Variants in KCNK13 observed in about 807,000 individuals in gnomAD.
The protein encoded by KCNK13 is potassium channel subfamily K member 13.
A neutral mutation model predicts 23.4 loss-of-function variants in KCNK13; 12 were observed. The ratio of observed to expected loss-of-function variants is 0.51; its 90% confidence interval spans 0.33 to 0.83. The LOEUF (loss-of-function observed/expected upper bound fraction) is 0.83. Among genes scored for constraint, KCNK13 ranks in the 40% least tolerant of loss-of-function variants. The pLI, the probability that KCNK13 is intolerant of heterozygous loss-of-function variation, is 0.02. For synonymous variants in KCNK13, 231 were observed against 229.5 expected (o/e 1.01, Z -0.06); for missense variants, 463 against 556.3 (o/e 0.83, Z 1.69).
intron 1 of KCNK13, among the ~76,000 whole-genome samples, chr14:90,066,591 T>C (rs1889012415): frequency 6.6e-6 from 1 of 152,164 alleles, no homozygotes; most frequent in African/African-American, 2.4e-5. Flanking sequence ...TCAAAAGTAT[T>C]TTCTCTTTGG....
At chr14:90,094,600 C>T (rs941674358) in intron 1 of KCNK13, among the ~76,000 whole-genome samples, 2 of 151,830 alleles carry the variant, frequency 1.3e-5, no homozygotes, top group African/African-American at 2.4e-5. Flanking sequence ...TTATTTGGCA[C>T]CTGGAGGATG....
intron 1 of KCNK13, among the ~76,000 whole-genome samples, chr14:90,066,140 T>A (rs957538699): frequency 1.6e-4 from 5 of 31,928 alleles, no homozygotes; most frequent in Admixed American, 1.2e-3. Context: ...ATTTTTGTAT[T>A]TTTTTTTTTT....
At chr14:90,103,656 G>A (rs967791156) in intron 1 of KCNK13, among the ~76,000 whole-genome samples, 4 of 152,046 alleles carry the variant, frequency 2.6e-5, no homozygotes, top group Admixed American at 6.6e-5. Flanking sequence ...TCCACCTCCC[G>A]AGTTCAAGCG....
intron 1 of KCNK13, among the ~76,000 whole-genome samples, chr14:90,075,771 A>G (rs1889127345): frequency 6.6e-6 from 1 of 152,018 alleles, no homozygotes; most frequent in Admixed American, 6.6e-5. Context: ...ATGAGCCACT[A>G]CAACAGGTCT....
chr14:90,076,976 C>T (rs1889143628), intron 1 of KCNK13, among the ~76,000 whole-genome samples: 2 of 152,120 alleles, frequency 1.3e-5, no homozygotes, highest in African/African-American at 4.8e-5. Context: ...TCCGCCACCA[C>T]ACCTGGCTAA....
At chr14:90,107,426 C>T (rs555688503) in intron 1 of KCNK13, among the ~76,000 whole-genome samples, 7 of 152,116 alleles carry the variant, frequency 4.6e-5, no homozygotes, top group South Asian at 2.1e-4. Flanking sequence ...TACGGTGAGC[C>T]GAGATGGCAC....
chr14:90,116,744 G>C (rs1321579317), intron 1 of KCNK13, among the ~76,000 whole-genome samples: 1 of 152,182 alleles, frequency 6.6e-6, no homozygotes, highest in African/African-American at 2.4e-5. Context: ...ACGGGTCTGT[G>C]TCACAACTGC....
intron 1 of KCNK13, among the ~76,000 whole-genome samples, chr14:90,150,906 G>C (rs1890127870): frequency 6.6e-6 from 1 of 152,112 alleles, no homozygotes; most frequent in Non-Finnish European, 1.5e-5. Flanking sequence ...TTGAGCCCAG[G>C]AGGCAGAGGT....
In KCNK13 at chr14:90,168,349, C is replaced by T. The variant is rs540517440; in HGVS notation, c.335-15762C>T. On this transcript the variant is annotated intron_variant, in intron 1 of 1. Coordinates refer to ENST00000282146, the MANE Select transcript of KCNK13 (RefSeq NM_022054.4). ...TCACACCACTGCACTTCAGCCTGGG[C>T]GACAGAGTAAGACCTGTCTCAAAAA... is the stretch of plus-strand genomic sequence containing the variant. Among the ~76,000 whole-genome samples the T allele has an allele frequency of 1.7e-4, 26 of 151,222 alleles. 1 individual carries two copies. Among genetic ancestry groups the T allele is most frequent in the Admixed American group, 1.4e-3 (22 of 15,186 alleles).
chr14:90,175,919 C>G (rs1361183819), intron 1 of KCNK13, among the ~76,000 whole-genome samples: 1 of 152,138 alleles, frequency 6.6e-6, no homozygotes. Flanking sequence ...ACCCTTCTTA[C>G]GTGGTGTCTA....
chr14:90,173,149 G>A (rs1404285875), intron 1 of KCNK13, among the ~76,000 whole-genome samples: 2 of 152,220 alleles, frequency 1.3e-5, no homozygotes, highest in Non-Finnish European at 1.5e-5. Context: ...AGATGCGAAT[G>A]AAAACCACTA....
chr14:90,165,954 G>A (rs1408050336), intron 1 of KCNK13, among the ~76,000 whole-genome samples: 8 of 152,136 alleles, frequency 5.3e-5, no homozygotes, highest in Admixed American at 3.3e-4. Flanking sequence ...CCATGCAGCC[G>A]ATTTTTGTTA....
chr14:90,126,023 T>TA (rs34865130), intron 1 of KCNK13, among the ~76,000 whole-genome samples: 34 of 145,446 alleles, frequency 2.3e-4, no homozygotes, highest in Admixed American at 3.4e-4. Context: ...AGACGCTATT[T>TA]AAAAAAAAAA....
chr14:90,089,939 A>T (rs2140400320), intron 1 of KCNK13, among the ~76,000 whole-genome samples: 1 of 152,290 alleles, frequency 6.6e-6, no homozygotes, highest in African/African-American at 2.4e-5. Context: ...ATTTCCGAGG[A>T]TGGTGGAAAT....
intron 1 of KCNK13, among the ~76,000 whole-genome samples, chr14:90,108,881 CTA>C (rs1168966378): frequency 6.6e-6 from 1 of 152,166 alleles, no homozygotes; most frequent in Non-Finnish European, 1.5e-5. Flanking sequence ...GCTTTGAAAA[CTA>C]AGAATCCCTT....
chr14:90,179,213 A>G (rs1038940962), intron 1 of KCNK13, among the ~76,000 whole-genome samples: 1 of 150,840 alleles, frequency 6.6e-6, no homozygotes, highest in African/African-American at 2.4e-5. Flanking sequence ...TTGGGGTGGG[A>G]TGGGAGAAGC....
At chr14:90,102,418 A>G (rs1889492823) in intron 1 of KCNK13, among the ~76,000 whole-genome samples, 1 of 152,180 alleles carries the variant, frequency 6.6e-6, no homozygotes, top group Non-Finnish European at 1.5e-5. Context: ...TCAAGTAAGA[A>G]TCTTGCCTGT....
chr14:90,184,059 C>T lies in KCNK13; in HGVS notation c.335-52C>T. The T allele has an allele frequency of 1.3e-6, 2 of 1,530,004 alleles. No individual in the cohort carries two copies. Among genetic ancestry groups the T allele is most frequent in the African/African-American group, 1.4e-5 (1 of 72,958 alleles). The allele number at this position is 1,530,004 out of a possible 1,614,324, so 94.8% of individuals were successfully genotyped here. On this transcript the variant is annotated intron_variant, in intron 1 of 1. Transcript: ENST00000282146. This position sits in a 1 kb window ranked among gnomAD's most constrained non-coding sequence, Gnocchi z 5.6. ...AGCCATCAAAGCCAAGACCTAGACC[C>T]CATTCACAGCAAAGATTTCTCTTAC... is the stretch of plus-strand genomic sequence containing the variant.
intron 1 of KCNK13, among the ~76,000 whole-genome samples, chr14:90,156,876 C>T (rs945660270): frequency 2.6e-5 from 4 of 152,156 alleles, no homozygotes; most frequent in African/African-American, 9.7e-5. Flanking sequence ...CTAGCCCTGA[C>T]AATATATGTC....
Sources: allele counts gnomAD v4.1 joint callset (sites outside exome capture counted in the v4.1 genomes callset), GRCh38; gene constraint gnomAD v4.1.1; non-coding constraint Gnocchi (gnomAD v3.1); transcripts MANE v1.5; gene names NCBI Gene and HGNC (gene_info 2026-07-23, HGNC 2026-07-21).